PLOD2: variants seen among roughly 807,000 people sequenced by gnomAD.
PLOD2 encodes the protein lysine hydroxylase 2.
PLOD2 carries 65 observed loss-of-function variants against 101.0 expected under a neutral mutation model. The observed-to-expected ratio is 0.64, with a 90% confidence interval of 0.53 to 0.79. PLOD2 has a LOEUF of 0.79. PLOD2 is among the 30% of genes least tolerant of loss of function. The pLI, the probability that PLOD2 is intolerant of heterozygous loss-of-function variation, is 0.00. For missense variants in PLOD2, 909 were observed against 914.6 expected (o/e 0.99, Z 0.08); for synonymous variants, 314 against 302.9 (o/e 1.04, Z -0.38).
At chr3:146,127,065 G>C (rs1004007171) in intron 1 of PLOD2, among the ~76,000 whole-genome samples, 4 of 151,998 alleles carry the variant, frequency 2.6e-5, no homozygotes, top group African/African-American at 9.7e-5. Context: ...CCCTCGTTCA[G>C]TTACTCATTG....
intron 15 of PLOD2, among the ~76,000 whole-genome samples, chr3:146,074,862 A>T (rs2107997852): frequency 6.6e-6 from 1 of 151,714 alleles, no homozygotes; most frequent in South Asian, 2.1e-4. Context: ...GCTATGGGGT[A>T]TCCCTCACTA....
intron 7 of PLOD2, among the ~76,000 whole-genome samples, chr3:146,096,443 G>A (rs1195824598): frequency 2.7e-5 from 3 of 111,730 alleles, no homozygotes; most frequent in Non-Finnish European, 1.9e-5. Flanking sequence ...AGCGAGGAGC[G>A]CCTCTTCCCC....
At chr3:146,124,098 C>T (rs2030387291) in intron 2 of PLOD2, 40 bp downstream of exon 2, 1 of 1,014,916 alleles carries the variant, frequency 9.9e-7, no homozygotes, top group Admixed American at 1.7e-5. Flanking sequence ...ACTTTAGGCA[C>T]ACATTATAGG....
chr3:146,109,288 C>A (rs902179717), intron 4 of PLOD2, among the ~76,000 whole-genome samples: 1 of 152,258 alleles, frequency 6.6e-6, no homozygotes, highest in African/African-American at 2.4e-5. Context: ...CCAGGCAGTG[C>A]AAACTGGAAT....
intron 12 of PLOD2, among the ~76,000 whole-genome samples, chr3:146,081,408 AG>A (rs1936535332): frequency 6.6e-6 from 1 of 152,186 alleles, no homozygotes; most frequent in East Asian, 1.9e-4. Context: ...ACCATTAAAA[AG>A]TTAGTAAACT....
At chr3:146,110,824 G>A (rs1200933432) in intron 3 of PLOD2, among the ~76,000 whole-genome samples, 1 of 151,958 alleles carries the variant, frequency 6.6e-6, no homozygotes, top group African/African-American at 2.4e-5. Context: ...TGCCATAACT[G>A]CCTAATATTT....
Position 146,079,169 on chromosome 3 carries a change from C to G in PLOD2, c.1447G>C (p.Val483Leu). Residue 483 changes from valine (V) to leucine (L), a missense_variant, in exon 13 of 20, where the codon GTT becomes CTT. Transcript: ENST00000282903. ...RSEMNERNYF[V>L]RDKLDPDMAL... ...ATATCAGGATCCAGTTTATCACGAA[C>G]AAAATAGTTCCTTTCATTCATCTCT... The G allele has an allele frequency of 6.2e-7, 1 of 1,612,662 alleles. No individual in the cohort carries two copies. The highest frequency in any genetic ancestry group is 1.7e-5 in the Admixed American group (1 of 59,952).
At chr3:146,142,695 A>T (rs2031579410) in intron 1 of PLOD2, among the ~76,000 whole-genome samples, 1 of 152,150 alleles carries the variant, frequency 6.6e-6, no homozygotes, top group Non-Finnish European at 1.5e-5. Flanking sequence ...TAAGCACACA[A>T]ATATCCCAGT....
At chr3:146,077,696 C>T in intron 14 of PLOD2, 166 bp downstream of exon 14, 1 of 552,606 alleles carries the variant, frequency 1.8e-6, no homozygotes, top group East Asian at 2.9e-5. Flanking sequence ...CACACAAGAC[C>T]CATGCCCAAG....
intron 1 of PLOD2, among the ~76,000 whole-genome samples, chr3:146,153,014 C>A (rs2032135714): frequency 6.6e-6 from 1 of 152,194 alleles, no homozygotes; most frequent in South Asian, 2.1e-4. Context: ...ATTCCAGAGG[C>A]CCTGGACCAG....
intron 11 of PLOD2, among the ~76,000 whole-genome samples, chr3:146,083,577 C>CTT (rs869301001): frequency 7.0e-4 from 53 of 75,748 alleles, no homozygotes; most frequent in East Asian, 8.4e-4. Context: ...AAGTCTTTTT[C>CTT]TTTTTTTTTT....
chr3:146,080,226 T>C (rs1167146367), intron 12 of PLOD2, among the ~76,000 whole-genome samples: 1 of 141,934 alleles, frequency 7.0e-6, no homozygotes, highest in Non-Finnish European at 1.6e-5. Context: ...ACGCTACACA[T>C]ACACTACGTT....
At chr3:146,133,110 A>C (rs1487977236) in intron 1 of PLOD2, among the ~76,000 whole-genome samples, 1 of 152,154 alleles carries the variant, frequency 6.6e-6, no homozygotes. Flanking sequence ...CAGGAGGCGG[A>C]GCTTGCAGTG....
At chr3:146,085,104 A>G in intron 11 of PLOD2, 65 bp downstream of exon 11, 1 of 775,596 alleles carries the variant, frequency 1.3e-6, no homozygotes, top group Non-Finnish European at 2.3e-6. Context: ...TTACTACAGT[A>G]TGTTCACATC....
intron 15 of PLOD2, among the ~76,000 whole-genome samples, chr3:146,073,831 C>T (rs1936236639): frequency 6.6e-6 from 1 of 151,504 alleles, no homozygotes; most frequent in African/African-American, 2.4e-5. Flanking sequence ...GAGCAAAATT[C>T]TACCAACAAG....
chr3:146,101,184 G>C (rs1164654580), intron 7 of PLOD2, among the ~76,000 whole-genome samples: 1 of 152,112 alleles, frequency 6.6e-6, no homozygotes, highest in Non-Finnish European at 1.5e-5. Context: ...AAAGACACAG[G>C]AGTTAGAGGA....
intron 9 of PLOD2, among the ~76,000 whole-genome samples, chr3:146,088,261 A>G (rs1936854141): frequency 6.6e-6 from 1 of 151,684 alleles, no homozygotes; most frequent in South Asian, 2.1e-4. Flanking sequence ...TATAGAAGAA[A>G]GTACCAGAAC....
At chr3:146,087,008 A>T (rs932953907) in intron 9 of PLOD2, 100 bp from the exon 10 acceptor site, 3 of 604,572 alleles carry the variant, frequency 5.0e-6, no homozygotes, top group Admixed American at 3.3e-5. Context: ...CATGAATTCT[A>T]CAATTCAGAT....
At chr3:146,147,878 G>A (rs1319654685) in intron 1 of PLOD2, among the ~76,000 whole-genome samples, 2 of 152,154 alleles carry the variant, frequency 1.3e-5, no homozygotes, top group African/African-American at 4.8e-5. Context: ...TCCAAGGAGA[G>A]GACTTCTCAG....
Sources: allele counts gnomAD v4.1 joint callset (sites outside exome capture counted in the v4.1 genomes callset), GRCh38; gene constraint gnomAD v4.1.1; transcripts MANE v1.5; gene names NCBI Gene and HGNC (gene_info 2026-07-23, HGNC 2026-07-21).